Variants in CEMIP observed in about 807,000 individuals in gnomAD.
CEMIP encodes cell migration-inducing and hyaluronan-binding protein.
A neutral mutation model predicts 156.9 loss-of-function variants in CEMIP; 105 were observed. That is an observed-to-expected ratio of 0.67 (90% CI 0.57 to 0.79). The LOEUF is 0.79. Ranked by LOEUF, CEMIP falls within the 30% of genes least tolerant of loss-of-function variation. The pLI is 0.00. For missense variants in CEMIP, 1,457 were observed against 1,769.4 expected (o/e 0.82, Z 3.17); for synonymous variants, 676 against 668.4 (o/e 1.01, Z -0.17).
At chr15:80,866,482 C>T (rs958250287) in intron 1 of CEMIP, among the ~76,000 whole-genome samples, 2 of 152,060 alleles carry the variant, frequency 1.3e-5, no homozygotes, top group Admixed American at 6.5e-5. Context: ...ATCCCAGCTA[C>T]TGGGGAGGCT....
chr15:80,933,989 A>T (rs993030898), intron 23 of CEMIP, among the ~76,000 whole-genome samples: 9 of 152,236 alleles, frequency 5.9e-5, no homozygotes, highest in African/African-American at 2.2e-4. Context: ...ATTCAAAATG[A>T]ATCAGTGTAG....
chr15:80,797,829 TA>T (rs1280866205), intron 1 of CEMIP, among the ~76,000 whole-genome samples: 4 of 152,322 alleles, frequency 2.6e-5, no homozygotes, highest in Admixed American at 2.6e-4. Flanking sequence ...CAGCAGAGTA[TA>T]ACCCATCCTC....
intron 14 of CEMIP, among the ~76,000 whole-genome samples, chr15:80,917,569 T>TATTAAC (rs1900319028): frequency 6.6e-6 from 1 of 152,220 alleles, no homozygotes; most frequent in Admixed American, 6.5e-5. Context: ...TTGGCTGACC[T>TATTAAC]TGATATTGAT....
intron 7 of CEMIP, among the ~76,000 whole-genome samples, chr15:80,885,930 C>A (rs921988160): frequency 4.6e-5 from 7 of 152,190 alleles, no homozygotes; most frequent in Non-Finnish European, 8.8e-5. Context: ...CACGTCCACA[C>A]CTCATTTGTA....
chr15:80,898,168 C>T (rs954279367), intron 12 of CEMIP, among the ~76,000 whole-genome samples: 2 of 152,106 alleles, frequency 1.3e-5, no homozygotes, highest in African/African-American at 4.8e-5. Context: ...TTGGCAGAGG[C>T]AGAATAGAAT....
intron 1 of CEMIP, among the ~76,000 whole-genome samples, chr15:80,861,289 T>C (rs537272088): frequency 7.8e-4 from 118 of 152,242 alleles, no homozygotes; most frequent in African/African-American, 2.7e-3. Context: ...CTTTTAAAAG[T>C]ACACATCGAC....
At chr15:80,877,283 C>T (rs1483735896) in intron 3 of CEMIP, among the ~76,000 whole-genome samples, 2 of 152,162 alleles carry the variant, frequency 1.3e-5, no homozygotes, top group African/African-American at 2.4e-5. Flanking sequence ...TTTCTTTGCT[C>T]AAGAGACACC....
At chr15:80,938,798 A>C (rs1901233902) in intron 25 of CEMIP, among the ~76,000 whole-genome samples, 1 of 152,210 alleles carries the variant, frequency 6.6e-6, no homozygotes, top group Non-Finnish European at 1.5e-5. Flanking sequence ...CCCTCTCTTA[A>C]AAAGAAATTT....
At chr15:80,851,769 A>C (rs1396112813) in intron 1 of CEMIP, among the ~76,000 whole-genome samples, 1 of 152,170 alleles carries the variant, frequency 6.6e-6, no homozygotes, top group African/African-American at 2.4e-5. Flanking sequence ...GTGGGGCATG[A>C]AGCGAGAGAA....
intron 3 of CEMIP, 21 bp downstream of exon 3, chr15:80,873,994 G>T (rs1456781415): frequency 1.9e-6 from 3 of 1,547,412 alleles, no homozygotes; most frequent in South Asian, 1.2e-5. Flanking sequence ...CAAACAGATG[G>T]ACCTCTGTAT....
chr15:80,921,922 T>A, intron 16 of CEMIP, 87 bp from the exon 17 acceptor site: 4 of 1,577,896 alleles, frequency 2.5e-6, no homozygotes, highest in South Asian at 2.2e-5. Context: ...ACTAGACCCA[T>A]CTCCGGCGTG....
At chr15:80,890,002 T>C (rs892502559) in intron 10 of CEMIP, among the ~76,000 whole-genome samples, 14 of 152,208 alleles carry the variant, frequency 9.2e-5, no homozygotes, top group East Asian at 3.8e-4. Flanking sequence ...TTGTTCTCAA[T>C]TGAGCTAAAT....
intron 1 of CEMIP, among the ~76,000 whole-genome samples, chr15:80,780,467 T>C (rs1227901119): frequency 6.6e-6 from 1 of 152,200 alleles, no homozygotes; most frequent in African/African-American, 2.4e-5. Flanking sequence ...CTGTGCGCCC[T>C]GGGTCCTCAG....
chr15:80,911,331 A>C (rs1900043413), intron 14 of CEMIP, among the ~76,000 whole-genome samples: 1 of 152,260 alleles, frequency 6.6e-6, no homozygotes, highest in African/African-American at 2.4e-5. Context: ...TGGTTAGGAA[A>C]GATAACAGGC....
chr15:80,794,952 A>G, intron 1 of CEMIP, among the ~76,000 whole-genome samples: 1 of 152,182 alleles, frequency 6.6e-6, no homozygotes, highest in East Asian at 1.9e-4. Context: ...CAACATAGGC[A>G]GAGCCTAGGA....
intron 1 of CEMIP, among the ~76,000 whole-genome samples, chr15:80,819,130 G>T (rs1319079123): frequency 6.6e-6 from 1 of 152,204 alleles, no homozygotes; most frequent in Non-Finnish European, 1.5e-5. Context: ...TAGCCAGAAA[G>T]GCTGTTAAAT....
At chr15:80,941,442 G>C (rs1260281067) in intron 25 of CEMIP, among the ~76,000 whole-genome samples, 3 of 152,152 alleles carry the variant, frequency 2.0e-5, no homozygotes, top group Admixed American at 6.6e-5. Context: ...GCACAATGCT[G>C]GGATGGAAAA....
rs939201805 is a variant in CEMIP, at chr15:80,950,395, C to G, written c.*1471C>G. ...TTCTGGAAATGGGGACAAGTCCCCT[C>G]GAAGGAAAGGAAATGACTAGAGTAG... is the stretch of plus-strand genomic sequence containing the variant. On this transcript the variant is annotated 3_prime_UTR_variant, in exon 30 of 30. Transcript: ENST00000394685. 3 of 152,264 alleles carry G rather than the reference C, an allele frequency of 2.0e-5. No homozygotes were observed. Among genetic ancestry groups the G allele is most frequent in the African/African-American group, 7.2e-5 (3 of 41,460 alleles). 9.4% of individuals were successfully genotyped at this position (152,264 alleles called of 1,614,324 possible). A position where few individuals can be genotyped will look rare whatever the true frequency, so the allele number is the denominator to read the frequency against.
At chr15:80,829,965 GGTGTGTGTGT>G (rs370594946) in intron 1 of CEMIP, among the ~76,000 whole-genome samples, 12 of 133,790 alleles carry the variant, frequency 9.0e-5, no homozygotes, top group South Asian at 4.8e-4. Context: ...GGAGGTAGCG[GGTGTGTGTGT>G]GTGTGTGTGT....
Sources: gnomAD v4.1 joint callset for allele counts (sites outside exome capture counted in the v4.1 genomes callset) on GRCh38, gnomAD v4.1.1 for gene constraint, MANE v1.5 for transcripts, NCBI Gene and HGNC (gene_info 2026-07-23, HGNC 2026-07-21) for gene names.